Variants in ADGRL3 observed in about 807,000 individuals in gnomAD.
The protein encoded by ADGRL3 is adhesion G protein-coupled receptor L3, also known as calcium-independent alpha-latrotoxin receptor 3.
In ADGRL3, 62 loss-of-function variants were observed where a neutral mutation model predicts 153.5. That is an observed-to-expected ratio of 0.40 (90% CI 0.33 to 0.50). The LOEUF is 0.50. Among genes scored for constraint, ADGRL3 ranks in the 20% least tolerant of loss-of-function variants. The pLI, the probability that ADGRL3 is intolerant of heterozygous loss-of-function variation, is 0.47. For missense variants in ADGRL3, 1,641 were observed against 1,859.4 expected, an observed-to-expected ratio of 0.88 and a Z score of 2.16; for synonymous variants, 710 against 672.5, an observed-to-expected ratio of 1.06 and a Z score of -0.86.
intron 9 of ADGRL3, among the ~76,000 whole-genome samples, chr4:61,865,137 TAAG>T (rs751990219): frequency 5.9e-5 from 9 of 152,196 alleles, no homozygotes; most frequent in Non-Finnish European, 1.2e-4. Context: ...ATTTTGGTCT[TAAG>T]AATAAAATGA....
chr4:61,500,029 CAG>C (rs10673228), intron 3 of ADGRL3, among the ~76,000 whole-genome samples: 4,823 of 140,484 alleles, frequency 0.034, 151 homozygotes, highest in African/African-American at 0.07. Flanking sequence ...CACACAGAAA[CAG>C]AGAGAGAGAG....
At chr4:61,498,202 A>C (rs1440003626) in intron 3 of ADGRL3, among the ~76,000 whole-genome samples, 1 of 152,066 alleles carries the variant, frequency 6.6e-6, no homozygotes, top group East Asian at 1.9e-4. Flanking sequence ...CCTCCCAATA[A>C]AGGGAAATTG....
intron 9 of ADGRL3, among the ~76,000 whole-genome samples, chr4:61,852,506 G>T (rs1411474435): frequency 6.6e-6 from 1 of 151,910 alleles, no homozygotes; most frequent in African/African-American, 2.4e-5. Context: ...GTAGAGACGG[G>T]GTTTCGCCAT....
At chr4:61,653,356 C>G (rs2150421773) in intron 5 of ADGRL3, among the ~76,000 whole-genome samples, 1 of 152,280 alleles carries the variant, frequency 6.6e-6, no homozygotes, top group South Asian at 2.1e-4. Context: ...GCTTCCCTGT[C>G]TGCGGCATTT....
intron 25 of ADGRL3, among the ~76,000 whole-genome samples, chr4:62,062,500 A>G (rs539931929): frequency 2.0e-5 from 3 of 151,982 alleles, no homozygotes; most frequent in African/African-American, 7.2e-5. Flanking sequence ...TGCAATTTGT[A>G]TTTTGCTTTC....
At position 61,792,691 on chromosome 4, in the gene ADGRL3, T is replaced by C. The variant is rs192847792; in HGVS notation, c.1400-21118T>C. On this transcript the variant is annotated intron_variant, in intron 8 of 26. Coordinates refer to ENST00000683033, the MANE Select transcript of ADGRL3 (RefSeq NM_001387552.1). ...ATTTAGTAGAGACGGAGTTTCACCA[T>C]GTTGGTCATGCTGGTCTTGAACTCC... Among the ~76,000 whole-genome samples the C allele has an allele frequency of 5.6e-3, 847 of 152,064 alleles. 1 individual carries two copies. Among genetic ancestry groups the C allele is most frequent in the Non-Finnish European group, 7.3e-3 (499 of 67,970 alleles).
intron 13 of ADGRL3, among the ~76,000 whole-genome samples, chr4:61,922,771 G>A (rs1242001577): frequency 6.6e-6 from 1 of 152,158 alleles, no homozygotes; most frequent in African/African-American, 2.4e-5. Flanking sequence ...GGATTCACGG[G>A]TGAACACAGA....
intron 1 of ADGRL3, among the ~76,000 whole-genome samples, chr4:61,286,363 A>G (rs1185857035): frequency 1.3e-5 from 2 of 151,096 alleles, no homozygotes; most frequent in Admixed American, 6.6e-5. Flanking sequence ...CTTTTTCAGC[A>G]ATTAAGATTT....
rs2098831793 is a variant in ADGRL3, at chr4:61,934,894, A to G, written c.2167A>G (p.Arg723Gly). ...LLQPQALNAW[R>G]DLTTSDQLRA... ...TCAGCCACAAGCTTTGAATGCATGGAGAGACCTGACTACGAGTGATCAGCT... is the reference window on the plus strand; with the variant it reads ...TCAGCCACAAGCTTTGAATGCATGGGGAGACCTGACTACGAGTGATCAGCT... Residue 723 changes from arginine (R) to glycine (G), a missense_variant, in exon 14 of 27, where the codon AGA (arginine) becomes GGA (glycine). By Grantham distance (125) the Arg-to-Gly change is moderately radical. Coordinates refer to ENST00000683033, the MANE Select transcript of ADGRL3 (RefSeq NM_001387552.1). The G allele has an allele frequency of 6.2e-7, 1 of 1,613,826 alleles. No homozygotes were observed. Among genetic ancestry groups the G allele is most frequent in the African/African-American group, 1.3e-5 (1 of 75,042 alleles).
In ADGRL3 at chr4:61,680,027, C is replaced by A. The variant is rs77246339; in HGVS notation, c.583+3092C>A. Among the ~76,000 whole-genome samples, 162 of 150,994 alleles carry A rather than the reference C, an allele frequency of 1.1e-3. No homozygotes were observed. The East Asian group carries it at 0.028, about 26-fold the overall frequency. ...CATTGCAAACTTTTATTTTCCCAAA[C>A]CTTTATGAAGTAACTAGTTTGTACC... On this transcript the variant is annotated intron_variant, in intron 6 of 26. Transcript: ENST00000683033.
At chr4:61,297,827 C>T (rs1023144781) in intron 1 of ADGRL3, among the ~76,000 whole-genome samples, 1 of 144,214 alleles carries the variant, frequency 6.9e-6, no homozygotes, top group Non-Finnish European at 1.5e-5. Flanking sequence ...CTACCGTCGC[C>T]ACCACCACCA....
chr4:61,696,171 T>C (rs1424098594), intron 6 of ADGRL3, among the ~76,000 whole-genome samples: 1 of 152,218 alleles, frequency 6.6e-6, no homozygotes, highest in Non-Finnish European at 1.5e-5. Flanking sequence ...TATTCACAAC[T>C]TGACTGTTTG....
intron 1 of ADGRL3, among the ~76,000 whole-genome samples, chr4:61,219,252 G>T (rs896660194): frequency 2.0e-5 from 3 of 152,152 alleles, no homozygotes; most frequent in African/African-American, 7.2e-5. Flanking sequence ...TCTAAACTTT[G>T]TTACTGTTTT....
intron 1 of ADGRL3, among the ~76,000 whole-genome samples, chr4:61,319,182 A>G (rs1242675646): frequency 6.6e-6 from 1 of 152,128 alleles, no homozygotes; most frequent in Non-Finnish European, 1.5e-5. Flanking sequence ...AAGTGTAAAA[A>G]TTTGTTAGAG....
chr4:61,587,459 TC>T lies in ADGRL3; in HGVS notation c.473+20del, dbSNP rs778397833. On this transcript the variant is annotated intron_variant, in intron 5 of 26. Transcript: ENST00000683033. The stretch of plus-strand genomic sequence containing the variant: ...CTCAAAGGTATGATACTTCTAATAT[TC>T]TTTTCTTTGTGCACAATATAAACCT... 3.7e-4 allele frequency: 573 copies of T among 1,556,470 alleles called. No homozygotes were observed. Among genetic ancestry groups the T allele is most frequent in the Non-Finnish European group, 5.0e-4 (561 of 1,131,606 alleles).
In ADGRL3 at chr4:61,564,476, A is replaced by G. The variant is rs1177093867; in HGVS notation, c.260-22751A>G. On this transcript the variant is annotated intron_variant, in intron 4 of 26. Transcript: ENST00000683033. ...TTTTTGTAGAGATGGGATTTTGCCC[A>G]GGTTCAGGCTCATCTCAAACTCCTG... 5.9e-5 allele frequency among the ~76,000 whole-genome samples: 9 copies of G among 152,254 alleles called. No homozygotes were observed. The East Asian group carries it at 1.5e-3, about 26-fold the overall frequency.
chr4:61,629,502 A>C (rs1193084373), intron 5 of ADGRL3, among the ~76,000 whole-genome samples: 4 of 151,634 alleles, frequency 2.6e-5, no homozygotes. Flanking sequence ...GCGGGTCACG[A>C]GGTCAGGAGT....
At chr4:61,904,045 A>G (rs1411348771) in intron 11 of ADGRL3, among the ~76,000 whole-genome samples, 1 of 151,800 alleles carries the variant, frequency 6.6e-6, no homozygotes, top group Non-Finnish European at 1.5e-5. Context: ...CTGGGATTAC[A>G]GATGTGAGCC....
chr4:61,635,083 G>A (rs545759250), intron 5 of ADGRL3, among the ~76,000 whole-genome samples: 1 of 152,100 alleles, frequency 6.6e-6, no homozygotes, highest in African/African-American at 2.4e-5. Context: ...TAAAAGAAGG[G>A]CCTTTGCATT....
Sources: gnomAD v4.1 joint callset for allele counts (sites outside exome capture counted in the v4.1 genomes callset) on GRCh38, gnomAD v4.1.1 for gene constraint, MANE v1.5 for transcripts, NCBI Gene and HGNC (gene_info 2026-07-23, HGNC 2026-07-21) for gene names.